The following SULF1 variants were observed in gnomAD, a reference collection of about 807,000 sequenced individuals.
SULF1 encodes extracellular sulfatase Sulf-1.
Under a neutral mutation model 110.5 loss-of-function variants are expected in SULF1, and 46 were observed. The ratio of observed to expected loss-of-function variants is 0.42; its 90% confidence interval spans 0.33 to 0.53. The LOEUF (loss-of-function observed/expected upper bound fraction) is 0.53, where lower values mean the gene tolerates loss of function less well. SULF1 is among the 20% of genes least tolerant of loss of function. The pLI, the probability that SULF1 is intolerant of heterozygous loss-of-function variation, is 0.12. For synonymous variants in SULF1, 371 were observed against 387.1 expected, an observed-to-expected ratio of 0.96 and a Z score of 0.49; for missense variants, 941 against 1,094.2, an observed-to-expected ratio of 0.86 and a Z score of 1.98.
At chr8:69,498,473 G>A (rs1168571847) in intron 2 of SULF1, among the ~76,000 whole-genome samples, 1 of 152,166 alleles carries the variant, frequency 6.6e-6, no homozygotes, top group African/African-American at 2.4e-5. Context: ...GGGCCACACT[G>A]TGATCCCATA....
chr8:69,534,803 T>A (rs1419866211), intron 3 of SULF1, among the ~76,000 whole-genome samples: 1 of 152,112 alleles, frequency 6.6e-6, no homozygotes, highest in Non-Finnish European at 1.5e-5. Flanking sequence ...ACGTCATACA[T>A]ATTTTATAAG....
intron 6 of SULF1, among the ~76,000 whole-genome samples, chr8:69,583,294 C>T (rs942913987): frequency 1.3e-5 from 2 of 151,882 alleles, no homozygotes; most frequent in Admixed American, 6.6e-5. Flanking sequence ...TTGGGCGCAG[C>T]GCCTCATGCC....
At chr8:69,528,165 G>T (rs1812830322) in intron 3 of SULF1, among the ~76,000 whole-genome samples, 1 of 152,114 alleles carries the variant, frequency 6.6e-6, no homozygotes, top group African/African-American at 2.4e-5. Flanking sequence ...AAAAAATGAG[G>T]AGTTCAGAGT....
chr8:69,582,064 A>G (rs1177005076), intron 6 of SULF1, among the ~76,000 whole-genome samples: 1 of 152,226 alleles, frequency 6.6e-6, no homozygotes, highest in East Asian at 1.9e-4. Flanking sequence ...TCAAAGGGGA[A>G]TGCCATGGCA....
chr8:69,507,233 AATTTTAAATGGCATACTGAAATTAACAT>A (rs1226020886), intron 3 of SULF1, among the ~76,000 whole-genome samples: 2 of 152,196 alleles, frequency 1.3e-5, no homozygotes, highest in East Asian at 3.8e-4. Flanking sequence ...TTTGCAGGAT[AATTTTAAATGGCATACTGAAATTAACAT>A]GGAATATATT....
intron 19 of SULF1, among the ~76,000 whole-genome samples, chr8:69,633,515 G>A (rs1318895899): frequency 6.6e-6 from 1 of 151,514 alleles, no homozygotes; most frequent in African/African-American, 2.4e-5. Context: ...ATTTTTAGTA[G>A]AGACAGGGTT....
intron 5 of SULF1, among the ~76,000 whole-genome samples, chr8:69,565,224 CTTT>C (rs10714268): frequency 2.1e-5 from 3 of 146,110 alleles, no homozygotes; most frequent in South Asian, 2.2e-4. Flanking sequence ...GTCAACCCAA[CTTT>C]TTTTTTTTTT....
intron 19 of SULF1, among the ~76,000 whole-genome samples, chr8:69,634,048 ATAAT>A (rs1328608867): frequency 3.9e-5 from 6 of 152,340 alleles, no homozygotes; most frequent in African/African-American, 7.2e-5. Context: ...TATAAATAAC[ATAAT>A]TAGAGATCTT....
chr8:69,522,469 A>G (rs1009989024), intron 3 of SULF1, among the ~76,000 whole-genome samples: 6 of 152,102 alleles, frequency 3.9e-5, no homozygotes, highest in Non-Finnish European at 7.4e-5. Flanking sequence ...TCGGAAGTTG[A>G]GTTTGAGATG....
intron 3 of SULF1, among the ~76,000 whole-genome samples, chr8:69,552,814 G>A (rs1586381621): frequency 6.6e-6 from 1 of 152,226 alleles, no homozygotes; most frequent in Admixed American, 6.5e-5. Context: ...CGTTTGTTAT[G>A]TAAAAAAATG....
At position 69,576,217 on chromosome 8, in the gene SULF1, A is replaced by T. The variant is rs1371670871; in HGVS notation, c.412+8A>T. ...ACACTGGCTACAGAACAGGTAAGGG[A>T]TGACGTTTCTAGCCCATGAACGTCT... On this transcript the variant is annotated splice_region_variant and intron_variant, in intron 6 of 22. Coordinates refer to ENST00000402687, the MANE Select transcript of SULF1 (RefSeq NM_001128205.2). 6.2e-7 allele frequency: 1 copy of T among 1,612,554 alleles called. No homozygotes were observed. Among genetic ancestry groups the T allele is most frequent in the African/African-American group, 1.3e-5 (1 of 75,040 alleles).
At chr8:69,622,953 C>T (rs1002912186) in intron 14 of SULF1, among the ~76,000 whole-genome samples, 5 of 152,152 alleles carry the variant, frequency 3.3e-5, no homozygotes, top group Non-Finnish European at 7.3e-5. Flanking sequence ...AATTCTGATT[C>T]CACAGCCAGT....
At chr8:69,588,732 T>C (rs965255761) in intron 7 of SULF1, among the ~76,000 whole-genome samples, 1 of 152,302 alleles carries the variant, frequency 6.6e-6, no homozygotes, top group East Asian at 1.9e-4. Context: ...TGCTAAGTTG[T>C]GTATTACTTA....
chr8:69,468,241 T>C (rs1586180096), intron 1 of SULF1, among the ~76,000 whole-genome samples: 1 of 152,168 alleles, frequency 6.6e-6, no homozygotes, highest in African/African-American at 2.4e-5. Context: ...TGAATAATAT[T>C]GTATATAAGC....
chr8:69,622,215 G>T (rs900459662), intron 14 of SULF1, among the ~76,000 whole-genome samples: 1 of 152,144 alleles, frequency 6.6e-6, no homozygotes, highest in African/African-American at 2.4e-5. Context: ...TCTTTGATTT[G>T]GGAGACTTTT....
At chr8:69,565,676 C>T (rs1215289591) in intron 5 of SULF1, among the ~76,000 whole-genome samples, 1 of 152,166 alleles carries the variant, frequency 6.6e-6, no homozygotes, top group Non-Finnish European at 1.5e-5. Flanking sequence ...AGTTATCTTT[C>T]AAGTATCTCT....
At chr8:69,569,785 A>G (rs114726503) in intron 5 of SULF1, among the ~76,000 whole-genome samples, 178 of 152,200 alleles carry the variant, frequency 1.2e-3, no homozygotes, top group African/African-American at 4.0e-3. Flanking sequence ...AGTCTTAGTG[A>G]TCTGGAAACA....
At chr8:69,489,091 C>T (rs555553870), upstream of SULF1, among the ~76,000 whole-genome samples, 10 of 152,148 alleles carry the variant, frequency 6.6e-5, no homozygotes, top group South Asian at 2.1e-4. Flanking sequence ...CTTGGGGGGT[C>T]CTGATGAGGC....
intron 3 of SULF1, among the ~76,000 whole-genome samples, chr8:69,543,093 A>G (rs1413026692): frequency 6.6e-6 from 1 of 152,188 alleles, no homozygotes; most frequent in African/African-American, 2.4e-5. Flanking sequence ...CCATCCAATT[A>G]ATGCTTCTTA....
Sources: allele counts gnomAD v4.1 joint callset (sites outside exome capture counted in the v4.1 genomes callset), GRCh38; gene constraint gnomAD v4.1.1; transcripts MANE v1.5; gene names NCBI Gene and HGNC (gene_info 2026-07-23, HGNC 2026-07-21).